Variants in FAM222B observed in about 807,000 individuals in gnomAD.
The protein encoded by FAM222B is family with sequence similarity 222 member B, also known as protein FAM222B.
FAM222B carries 12 observed loss-of-function variants against 38.0 expected under a neutral mutation model. That is an observed-to-expected ratio of 0.32 (90% confidence interval 0.20 to 0.51). FAM222B has a LOEUF of 0.51. FAM222B is among the 20% of genes least tolerant of loss of function. The pLI is 0.97. For synonymous variants in FAM222B, 329 were observed against 317.2 expected (o/e 1.04, Z -0.40); for missense variants, 716 against 754.2 (o/e 0.95, Z 0.59).
At position 28,797,684 on chromosome 17, in the gene FAM222B, T is replaced by C. The variant is rs1295579036; in HGVS notation, c.-40-30977A>G. 2.6e-5 allele frequency among the ~76,000 whole-genome samples: 4 copies of C among 152,298 alleles called. No homozygotes were observed. The East Asian group carries it at 7.7e-4, about 29-fold the overall frequency. Reference sequence around the variant, plus strand: ...AGTTTTACAATTTTCAAAGTGCTTTTTCACATGATTCTCTCTCCATCTTCT... The same window carrying C: ...AGTTTTACAATTTTCAAAGTGCTTTCTCACATGATTCTCTCTCCATCTTCT... On this transcript the variant is annotated intron_variant, in intron 1 of 2. Coordinates refer to ENST00000581407, the MANE Select transcript of FAM222B (RefSeq NM_001077498.3).
chr17:28,760,017 C>T (rs751701400), intron 2 of FAM222B, 141 bp from the exon 3 acceptor site: 9 of 815,310 alleles, frequency 1.1e-5, no homozygotes, highest in Non-Finnish European at 1.5e-5. Flanking sequence ...AGCCTTCATT[C>T]GAGACCCAGC....
chr17:28,804,240 T>C (rs2037372606), intron 1 of FAM222B, among the ~76,000 whole-genome samples: 1 of 152,126 alleles, frequency 6.6e-6, no homozygotes, highest in African/African-American at 2.4e-5. Flanking sequence ...AGACAGCATA[T>C]TGTGGAACTT....
intron 1 of FAM222B, among the ~76,000 whole-genome samples, chr17:28,828,774 C>A (rs938922006): frequency 6.6e-6 from 1 of 152,122 alleles, no homozygotes; most frequent in Non-Finnish European, 1.5e-5. Context: ...AAATAACATT[C>A]TTTTATTGTT....
At chr17:28,810,198 C>A (rs533597261) in intron 1 of FAM222B, among the ~76,000 whole-genome samples, 85 of 152,110 alleles carry the variant, frequency 5.6e-4, no homozygotes, top group Non-Finnish European at 1.1e-3. Flanking sequence ...GGGTTTTCAC[C>A]ATGTTGGTCT....
intron 1 of FAM222B, among the ~76,000 whole-genome samples, chr17:28,775,916 A>C (rs1045556558): frequency 6.6e-6 from 1 of 151,526 alleles, no homozygotes; most frequent in Non-Finnish European, 1.5e-5. Flanking sequence ...AAAAAAACAA[A>C]AAAAACAAAA....
At chr17:28,810,770 G>T (rs541410178) in intron 1 of FAM222B, among the ~76,000 whole-genome samples, 3 of 152,292 alleles carry the variant, frequency 2.0e-5, no homozygotes, top group East Asian at 3.9e-4. Flanking sequence ...TTTAAAAAAG[G>T]TAAAGTAAGC....
intron 1 of FAM222B, among the ~76,000 whole-genome samples, chr17:28,767,477 C>CTTAT (rs537058887): frequency 2.2e-4 from 33 of 149,134 alleles, no homozygotes; most frequent in Admixed American, 6.7e-4. Context: ...CATTTATTTA[C>CTTAT]TTATTTATTT....
At chr17:28,837,296 G>A (rs2038876684) in intron 1 of FAM222B, among the ~76,000 whole-genome samples, 1 of 151,880 alleles carries the variant, frequency 6.6e-6, no homozygotes, top group Non-Finnish European at 1.5e-5. Context: ...TGGGTGTGTT[G>A]GTGGGCGCCT....
intron 1 of FAM222B, among the ~76,000 whole-genome samples, chr17:28,809,022 C>CTCTATGTT (rs1215755061): frequency 6.6e-6 from 1 of 152,070 alleles, no homozygotes; most frequent in Non-Finnish European, 1.5e-5. Flanking sequence ...AACATAGAGT[C>CTCTATGTT]CTTTTTCTTA....
chr17:28,775,948 C>CA (rs911828790), intron 1 of FAM222B, among the ~76,000 whole-genome samples: 1 of 151,236 alleles, frequency 6.6e-6, no homozygotes, highest in African/African-American at 2.4e-5. Flanking sequence ...TGGTGGTGTG[C>CA]ACCTGTAATC....
At chr17:28,846,202 C>CA (rs35170639), upstream of FAM222B, among the ~76,000 whole-genome samples, 88,691 of 120,718 alleles carry the variant, frequency 0.73, 33,087 homozygotes, top group Non-Finnish European at 0.79. Context: ...GACTCCATCT[C>CA]AAAAAAAAAA....
At chr17:28,848,622 G>A (rs1164654016) in intron 1 of FAM222B, among the ~76,000 whole-genome samples, 1 of 151,932 alleles carries the variant, frequency 6.6e-6, no homozygotes, top group African/African-American at 2.4e-5. Context: ...AGCCGGTGTG[G>A]TGGTGGCTAC....
chr17:28,813,531 T>G (rs936200943), intron 1 of FAM222B, among the ~76,000 whole-genome samples: 1 of 151,992 alleles, frequency 6.6e-6, no homozygotes, highest in East Asian at 1.9e-4. Context: ...TTTCTTTTTT[T>G]TTTGTTTTTT....
chr17:28,768,336 C>T (rs1180567749), intron 1 of FAM222B, among the ~76,000 whole-genome samples: 1 of 152,162 alleles, frequency 6.6e-6, no homozygotes, highest in Non-Finnish European at 1.5e-5. Context: ...CTCCTGCTTC[C>T]AAGACCAGGT....
intron 1 of FAM222B, among the ~76,000 whole-genome samples, chr17:28,784,321 A>T (rs188859968): frequency 5.5e-4 from 84 of 151,628 alleles, no homozygotes; most frequent in African/African-American, 2.0e-3. Flanking sequence ...AAAAACTTTT[A>T]AAAAATTAGC....
At chr17:28,815,104 A>G (rs1177838680) in intron 1 of FAM222B, among the ~76,000 whole-genome samples, 3 of 151,998 alleles carry the variant, frequency 2.0e-5, no homozygotes, top group Admixed American at 2.0e-4. Flanking sequence ...ATATAAATAT[A>G]CATCTCTTGG....
intron 1 of FAM222B, among the ~76,000 whole-genome samples, chr17:28,771,979 C>G (rs375686409): frequency 6.6e-6 from 1 of 152,128 alleles, no homozygotes; most frequent in Non-Finnish European, 1.5e-5. Context: ...ATGGCATGAA[C>G]CCGGGAGGCG....
In FAM222B at chr17:28,806,204, A is replaced by G. The variant is rs140802015; in HGVS notation, c.-41+36478T>C. On this transcript the variant is annotated intron_variant, in intron 1 of 2. Coordinates refer to ENST00000581407, the MANE Select transcript of FAM222B (RefSeq NM_001077498.3). ...ATCTTTGGATTGATTTCACCTGTCT[A>G]TACTTTGCCTGCTTGCCCTTTTGTG... Among the ~76,000 whole-genome samples, 83 of 151,924 alleles carry G rather than the reference A, an allele frequency of 5.5e-4. 1 individual carries two copies. The highest frequency in any genetic ancestry group is 1.7e-3 in the African/African-American group (71 of 41,476).
chr17:28,808,072 T>A (rs991656409), intron 1 of FAM222B, among the ~76,000 whole-genome samples: 4 of 152,194 alleles, frequency 2.6e-5, no homozygotes, highest in Non-Finnish European at 5.9e-5. Context: ...CAGGGCTCAG[T>A]TGGAAGATTC....
Sources: gnomAD v4.1 joint callset for allele counts (sites outside exome capture counted in the v4.1 genomes callset) on GRCh38, gnomAD v4.1.1 for gene constraint, MANE v1.5 for transcripts, NCBI Gene and HGNC (gene_info 2026-07-23, HGNC 2026-07-21) for gene names.